PRKG1: variants seen among roughly 807,000 people sequenced by gnomAD.
PRKG1 encodes the protein protein kinase cGMP-dependent 1, also known as cGMP-dependent protein kinase 1.
A neutral mutation model predicts 88.1 loss-of-function variants in PRKG1; 35 were observed. The ratio of observed to expected loss-of-function variants is 0.40; its 90% CI spans 0.30 to 0.53. PRKG1 has a LOEUF of 0.53. Ranked by LOEUF, PRKG1 falls within the 20% of genes least tolerant of loss-of-function variation. PRKG1 has a pLI of 0.59. For missense variants in PRKG1, 540 were observed against 839.8 expected (o/e 0.64, Z 4.41); for synonymous variants, 303 against 292.5 (o/e 1.04, Z -0.37).
At chr10:52,123,755 A>G (rs1002521990) in intron 7 of PRKG1, among the ~76,000 whole-genome samples, 1 of 152,126 alleles carries the variant, frequency 6.6e-6, no homozygotes, top group Non-Finnish European at 1.5e-5. Context: ...CATGGCTACA[A>G]ATTGTTTCCT....
intron 8 of PRKG1, among the ~76,000 whole-genome samples, chr10:52,138,351 G>T (rs1421218704): frequency 6.6e-6 from 1 of 152,088 alleles, no homozygotes; most frequent in Non-Finnish European, 1.5e-5. Context: ...ATAATGTCAA[G>T]CTAAAATATA....
At position 52,297,133 on chromosome 10, in the gene PRKG1, G is replaced by A. The variant is rs1352460986; in HGVS notation, c.*3233G>A. Reference sequence around the variant, plus strand: ...TATAGGACCACAGACAAATATTTATGTAAATAGGTATTTTTGTGTGATATT... The same window carrying A: ...TATAGGACCACAGACAAATATTTATATAAATAGGTATTTTTGTGTGATATT... On this transcript the variant is annotated 3_prime_UTR_variant, in exon 18 of 18. Coordinates refer to ENST00000373980, the MANE Select transcript of PRKG1 (RefSeq NM_006258.4). 6.6e-6 allele frequency: 1 copy of A among 152,038 alleles called. No homozygotes were observed. The highest frequency in any genetic ancestry group is 6.6e-5 in the Admixed American group (1 of 15,238). 9.4% of individuals were successfully genotyped at this position (152,038 alleles called of 1,614,324 possible).
chr10:51,542,241 G>A (rs1399651093), intron 3 of PRKG1, among the ~76,000 whole-genome samples: 1 of 152,096 alleles, frequency 6.6e-6, no homozygotes, highest in Non-Finnish European at 1.5e-5. Flanking sequence ...AAGGAATAGA[G>A]AGAGAGAATT....
intron 1 of PRKG1, among the ~76,000 whole-genome samples, chr10:50,993,852 G>A (rs1247666444): frequency 2.0e-5 from 3 of 152,160 alleles, no homozygotes; most frequent in Non-Finnish European, 4.4e-5. Flanking sequence ...TGTATGTACT[G>A]GGAGGAAATG....
At chr10:52,255,492 A>T (rs918465888) in intron 10 of PRKG1, among the ~76,000 whole-genome samples, 1 of 152,088 alleles carries the variant, frequency 6.6e-6, no homozygotes, top group East Asian at 1.9e-4. Context: ...GCAAACTTGG[A>T]TAAAGCACAG....
chr10:51,142,027 C>T (rs970290027), intron 1 of PRKG1, among the ~76,000 whole-genome samples: 1 of 152,036 alleles, frequency 6.6e-6, no homozygotes, highest in Non-Finnish European at 1.5e-5. Context: ...AGATCTCCAT[C>T]CAAATTGATA....
intron 3 of PRKG1, among the ~76,000 whole-genome samples, chr10:51,766,499 C>T (rs1262255544): frequency 6.6e-6 from 1 of 152,168 alleles, no homozygotes; most frequent in Non-Finnish European, 1.5e-5. Context: ...TGCCCCACAC[C>T]ATGCAAGTTT....
chr10:51,165,553 T>G (rs1403717420), intron 2 of PRKG1, among the ~76,000 whole-genome samples: 2 of 152,038 alleles, frequency 1.3e-5, no homozygotes, highest in Admixed American at 1.3e-4. Context: ...CAATATTAAC[T>G]TTAAATGTAA....
chr10:51,099,638 G>A (rs1305350835), intron 1 of PRKG1, among the ~76,000 whole-genome samples: 2 of 152,038 alleles, frequency 1.3e-5, no homozygotes, highest in Non-Finnish European at 2.9e-5. Flanking sequence ...TTTTAACCCA[G>A]GACTCTGTGG....
chr10:51,282,328 A>G (rs756575903), intron 2 of PRKG1, among the ~76,000 whole-genome samples: 43 of 152,152 alleles, frequency 2.8e-4, no homozygotes, highest in Non-Finnish European at 5.1e-4. Context: ...TTAGCTATAC[A>G]TGTCTGAAGC....
At chr10:52,213,941 T>C (rs190084602) in intron 9 of PRKG1, among the ~76,000 whole-genome samples, 283 of 152,282 alleles carry the variant, frequency 1.9e-3, no homozygotes, top group Non-Finnish European at 3.0e-3. Flanking sequence ...AAACCAAACA[T>C]ACATTTAATA....
intron 2 of PRKG1, among the ~76,000 whole-genome samples, chr10:51,386,589 G>T (rs543112883): frequency 2.6e-5 from 4 of 152,104 alleles, no homozygotes; most frequent in South Asian, 2.1e-4. Flanking sequence ...TTTTTGTGCC[G>T]TTCAGGTATT....
intron 3 of PRKG1, among the ~76,000 whole-genome samples, chr10:51,641,767 G>A (rs894755496): frequency 2.0e-5 from 3 of 152,090 alleles, no homozygotes; most frequent in Non-Finnish European, 4.4e-5. Flanking sequence ...TTTTAAAAAT[G>A]TAGACAAATT....
At chr10:51,781,623 G>C (rs1011812092) in intron 3 of PRKG1, among the ~76,000 whole-genome samples, 4 of 152,082 alleles carry the variant, frequency 2.6e-5, no homozygotes, top group Non-Finnish European at 5.9e-5. Flanking sequence ...TTCAGCCAAA[G>C]CTTTATATTC....
intron 2 of PRKG1, among the ~76,000 whole-genome samples, chr10:51,288,122 T>A (rs1469862059): frequency 6.6e-6 from 1 of 151,588 alleles, no homozygotes; most frequent in African/African-American, 2.4e-5. Context: ...TATTTTTTTA[T>A]TTTTTAAATT....
At chr10:51,857,218 AGATT>A (rs1175887712) in intron 4 of PRKG1, among the ~76,000 whole-genome samples, 2 of 152,212 alleles carry the variant, frequency 1.3e-5, no homozygotes, top group African/African-American at 4.8e-5. Context: ...AGAGCTAGAT[AGATT>A]AAGAATGCCT....
chr10:51,284,601 G>T (rs1052907322), intron 2 of PRKG1, among the ~76,000 whole-genome samples: 4 of 152,146 alleles, frequency 2.6e-5, no homozygotes, highest in African/African-American at 9.7e-5. Context: ...AAATAAAAAA[G>T]TCTATAGTGC....
intron 3 of PRKG1, among the ~76,000 whole-genome samples, chr10:51,633,917 T>A (rs1839590920): frequency 6.6e-6 from 1 of 152,128 alleles, no homozygotes; most frequent in Non-Finnish European, 1.5e-5. Context: ...GATGGAACAT[T>A]TTCTTTGCTA....
At chr10:50,997,756 A>C (rs912624565) in intron 1 of PRKG1, among the ~76,000 whole-genome samples, 1 of 152,178 alleles carries the variant, frequency 6.6e-6, no homozygotes, top group African/African-American at 2.4e-5. Flanking sequence ...GAATTGTCAG[A>C]AAGGAATACT....
Sources: allele counts gnomAD v4.1 joint callset (sites outside exome capture counted in the v4.1 genomes callset), GRCh38; gene constraint gnomAD v4.1.1; transcripts MANE v1.5; gene names NCBI Gene and HGNC (gene_info 2026-07-23, HGNC 2026-07-21).